Variants in SYT1 observed in about 807,000 individuals in gnomAD.
SYT1 encodes the protein synaptotagmin 1, also known as synaptotagmin-1.
SYT1 carries 8 observed loss-of-function variants against 44.8 expected under a neutral mutation model. The ratio of observed to expected loss-of-function variants is 0.18; its 90% CI spans 0.10 to 0.32. SYT1 has a LOEUF of 0.32. Among genes scored for constraint, SYT1 ranks in the 10% least tolerant of loss-of-function variants. The pLI, the probability that SYT1 is intolerant of heterozygous loss-of-function variation, is 1.00. For synonymous variants in SYT1, 154 were observed against 188.8 expected (o/e 0.82, Z 1.51); for missense variants, 286 against 509.3 (o/e 0.56, Z 4.22).
At chr12:79,109,850 C>T (rs1308980980) in intron 3 of SYT1, among the ~76,000 whole-genome samples, 2 of 152,068 alleles carry the variant, frequency 1.3e-5, no homozygotes, top group Non-Finnish European at 2.9e-5. Context: ...AAATTCCAAC[C>T]ACAGAACCTG....
At chr12:79,265,771 A>G (rs1346235908) in intron 4 of SYT1, among the ~76,000 whole-genome samples, 1 of 152,174 alleles carries the variant, frequency 6.6e-6, no homozygotes, top group Non-Finnish European at 1.5e-5. Context: ...AGGGTCTCAG[A>G]AAGTGAAAAA....
At chr12:79,082,047 T>C (rs1877071330) in intron 3 of SYT1, among the ~76,000 whole-genome samples, 2 of 152,318 alleles carry the variant, frequency 1.3e-5, no homozygotes, top group South Asian at 2.1e-4. Context: ...ACTGAAACTA[T>C]TGTGGCCAAG....
At chr12:79,009,344 T>G (rs1473777708) in intron 2 of SYT1, among the ~76,000 whole-genome samples, 1 of 152,152 alleles carries the variant, frequency 6.6e-6, no homozygotes, top group East Asian at 1.9e-4. Flanking sequence ...CAATTATTTA[T>G]GTAAGGCCAT....
intron 3 of SYT1, among the ~76,000 whole-genome samples, chr12:79,079,738 A>C (rs867522329): frequency 1.3e-5 from 2 of 152,238 alleles, no homozygotes; most frequent in African/African-American, 4.8e-5. Flanking sequence ...AGGCCACAAT[A>C]ATTTCAAAGA....
intron 9 of SYT1, among the ~76,000 whole-genome samples, chr12:79,379,519 G>A (rs1322335846): frequency 3.3e-5 from 5 of 152,190 alleles, no homozygotes; most frequent in South Asian, 4.2e-4. Context: ...TCCACATGAA[G>A]CCTCCCGGTA....
At chr12:79,150,637 G>A (rs1291320316) in intron 3 of SYT1, among the ~76,000 whole-genome samples, 3 of 151,950 alleles carry the variant, frequency 2.0e-5, no homozygotes, top group Non-Finnish European at 4.4e-5. Context: ...TGATGAGGAG[G>A]GCACAAAAAC....
At chr12:79,243,506 C>A (rs760112594) in intron 4 of SYT1, among the ~76,000 whole-genome samples, 33 of 152,062 alleles carry the variant, frequency 2.2e-4, no homozygotes, top group Non-Finnish European at 4.3e-4. Context: ...ATTTGAGGAC[C>A]TTCCCTGGGA....
intron 3 of SYT1, among the ~76,000 whole-genome samples, chr12:79,146,008 C>T (rs539185506): frequency 6.6e-6 from 1 of 152,056 alleles, no homozygotes; most frequent in African/African-American, 2.4e-5. Context: ...CCGCCCGCCT[C>T]GGCCTCCCAA....
intron 3 of SYT1, among the ~76,000 whole-genome samples, chr12:79,176,466 T>C (rs1271584108): frequency 6.6e-6 from 1 of 152,160 alleles, no homozygotes; most frequent in African/African-American, 2.4e-5. Flanking sequence ...ACAAGAGTTA[T>C]GGTGTTTTAT....
At chr12:78,965,281 C>T (rs1241017814) in intron 1 of SYT1, among the ~76,000 whole-genome samples, 1 of 152,012 alleles carries the variant, frequency 6.6e-6, no homozygotes, top group Admixed American at 6.6e-5. Context: ...TTTTCCTTTT[C>T]AGTTTATGAA....
intron 3 of SYT1, among the ~76,000 whole-genome samples, chr12:79,105,212 A>G (rs1040006638): frequency 1.1e-4 from 17 of 152,072 alleles, no homozygotes; most frequent in Admixed American, 2.0e-4. Context: ...TATTTTTTCG[A>G]GCTTCAGCCT....
At chr12:79,104,797 T>C (rs967198707) in intron 3 of SYT1, among the ~76,000 whole-genome samples, 1 of 151,780 alleles carries the variant, frequency 6.6e-6, no homozygotes, top group African/African-American at 2.4e-5. Context: ...AACTTGAAAG[T>C]TGTTTGAAAG....
intron 3 of SYT1, among the ~76,000 whole-genome samples, chr12:79,110,369 G>A (rs1197509364): frequency 2.0e-5 from 3 of 152,124 alleles, no homozygotes; most frequent in Non-Finnish European, 4.4e-5. Context: ...TATTGCTATG[G>A]AGCAATTTAT....
At chr12:79,143,876 C>G (rs766678146) in intron 3 of SYT1, among the ~76,000 whole-genome samples, 1 of 151,764 alleles carries the variant, frequency 6.6e-6, no homozygotes, top group African/African-American at 2.4e-5. Flanking sequence ...TTTCTAAAGC[C>G]GAAAGAAAGA....
chr12:79,113,801 T>C (rs1166816591), intron 3 of SYT1, among the ~76,000 whole-genome samples: 2 of 152,180 alleles, frequency 1.3e-5, no homozygotes, highest in Non-Finnish European at 2.9e-5. Flanking sequence ...TATAGTGTCC[T>C]GTAACCTCAC....
At chr12:79,165,858 T>C (rs918809974) in intron 3 of SYT1, among the ~76,000 whole-genome samples, 1 of 152,078 alleles carries the variant, frequency 6.6e-6, no homozygotes, top group African/African-American at 2.4e-5. Context: ...CATTTTCTTT[T>C]GAAGAATAAT....
chr12:79,417,413 G>A (rs1003674552), intron 9 of SYT1, among the ~76,000 whole-genome samples: 2 of 151,798 alleles, frequency 1.3e-5, no homozygotes, highest in Non-Finnish European at 2.9e-5. Context: ...CTCCTTTCCC[G>A]CAACCTGCCT....
intron 3 of SYT1, among the ~76,000 whole-genome samples, chr12:79,083,316 A>G (rs1296022410): frequency 1.3e-5 from 2 of 152,182 alleles, no homozygotes; most frequent in Non-Finnish European, 2.9e-5. Flanking sequence ...AATTAGTACC[A>G]CTGCAAAGGA....
At chr12:79,217,380 GATGGACT>G (rs1874872938) in intron 3 of SYT1, 116 bp from the exon 4 acceptor site, 2 of 749,434 alleles carry the variant, frequency 2.7e-6, no homozygotes, top group Non-Finnish European at 4.0e-6. Context: ...ATATGCTAAT[GATGGACT>G]ATTTACCCAG....
Sources: allele counts gnomAD v4.1 joint callset (sites outside exome capture counted in the v4.1 genomes callset), GRCh38; gene constraint gnomAD v4.1.1; transcripts MANE v1.5; gene names NCBI Gene and HGNC (gene_info 2026-07-23, HGNC 2026-07-21).